CCNT1: variants seen among roughly 807,000 people sequenced by gnomAD.
The protein encoded by CCNT1 is cyclin-T1.
CCNT1 carries 18 observed loss-of-function variants against 67.3 expected under a neutral mutation model. The observed-to-expected ratio is 0.27, with a 90% CI of 0.18 to 0.40. The LOEUF is 0.40. CCNT1 is among the 10% of genes least tolerant of loss of function. The pLI, the probability that CCNT1 is intolerant of heterozygous loss-of-function variation, is 1.00. For synonymous variants in CCNT1, 333 were observed against 310.3 expected, an observed-to-expected ratio of 1.07 and a Z score of -0.77; for missense variants, 744 against 884.9, an observed-to-expected ratio of 0.84 and a Z score of 2.02.
chr12:48,710,870 G>C (rs1940438449), intron 2 of CCNT1, among the ~76,000 whole-genome samples: 1 of 152,162 alleles, frequency 6.6e-6, no homozygotes, highest in African/African-American at 2.4e-5. Context: ...AGACCAGGCT[G>C]GCCAAGATGG....
chr12:48,711,179 AG>A (rs1373063394), intron 2 of CCNT1, among the ~76,000 whole-genome samples: 1 of 151,988 alleles, frequency 6.6e-6, no homozygotes, highest in Admixed American at 6.6e-5. Flanking sequence ...CAACAGTTGA[AG>A]CCAAGCCTGG....
At chr12:48,701,099 TC>T (rs1330929376) in intron 3 of CCNT1, 26 bp from the exon 4 acceptor site, 3 of 1,447,078 alleles carry the variant, frequency 2.1e-6, no homozygotes, top group African/African-American at 1.4e-5. Flanking sequence ...CAGAAATTAT[TC>T]CCTACAAAGG....
At chr12:48,714,674 T>A (rs984372189) in intron 1 of CCNT1, 150 bp from the exon 2 acceptor site, 2 of 586,844 alleles carry the variant, frequency 3.4e-6, no homozygotes, top group African/African-American at 3.7e-5. Flanking sequence ...AGAATATGTC[T>A]GTTTTCTTTC....
chr12:48,703,093 T>C (rs1253647882), intron 3 of CCNT1, among the ~76,000 whole-genome samples: 1 of 151,570 alleles, frequency 6.6e-6, no homozygotes, highest in African/African-American at 2.4e-5. Flanking sequence ...CCATCACCCG[T>C]AGATGGGACC....
intron 3 of CCNT1, among the ~76,000 whole-genome samples, chr12:48,703,502 G>A (rs545908552): frequency 6.6e-6 from 1 of 152,032 alleles, no homozygotes; most frequent in South Asian, 2.1e-4. Context: ...GAACCCAGGA[G>A]GGGGAGGTTG....
chr12:48,692,893 T>C lies in CCNT1; in HGVS notation c.*140A>G. On this transcript the variant is annotated 3_prime_UTR_variant, in exon 9 of 9. Transcript: ENST00000261900. ...ATATAGCCAAGGCCTTCTACCACCC[T>C]CCTAACTATGTCTCAATATCAATTT... 3.2e-6 allele frequency: 2 copies of C among 628,206 alleles called. No homozygotes were observed. The highest frequency in any genetic ancestry group is 2.7e-6 in the Non-Finnish European group (1 of 365,312). The allele number at this position is 628,206 out of a possible 1,614,324, so 38.9% of individuals were successfully genotyped here.
At chr12:48,712,903 G>A (rs1311011272) in intron 2 of CCNT1, among the ~76,000 whole-genome samples, 1 of 151,640 alleles carries the variant, frequency 6.6e-6, no homozygotes, top group Non-Finnish European at 1.5e-5. Context: ...TCGTGCCATT[G>A]CACTCCATCC....
chr12:48,697,452 G>A (rs1464865779), intron 6 of CCNT1, among the ~76,000 whole-genome samples: 1 of 150,632 alleles, frequency 6.6e-6, no homozygotes, highest in Non-Finnish European at 1.5e-5. Flanking sequence ...GAACCCGGGA[G>A]GCAGAGGTTG....
rs1703346832 is a variant in CCNT1, at chr12:48,693,048, T to C, written c.2166A>G (p.Pro722=). The C allele has an allele frequency of 6.3e-7, 1 of 1,587,122 alleles. No individual in the cohort carries two copies. Among genetic ancestry groups the C allele is most frequent in the Admixed American group, 1.7e-5 (1 of 59,154 alleles). ...TTTTCTTTTTTTACTTAGGAAGGGG[T>C]GGAAGTGGTGGAGGAGGTTCTGATG... is the stretch of plus-strand genomic sequence containing the variant. The part of the protein sequence containing the change: ...PLPSEPPPPL[P]PLPK Residue 722 remains proline, a synonymous_variant, in exon 9 of 9, where the codon CCA becomes CCG. Coordinates refer to ENST00000261900, the MANE Select transcript of CCNT1 (RefSeq NM_001240.4).
intron 1 of CCNT1, among the ~76,000 whole-genome samples, chr12:48,716,281 A>G (rs1940531027): frequency 6.6e-6 from 1 of 152,244 alleles, no homozygotes; most frequent in South Asian, 2.1e-4. Context: ...GCCGGGAAGG[A>G]TACGAATTCC....
intron 2 of CCNT1, among the ~76,000 whole-genome samples, chr12:48,713,620 C>CA (rs1283251493): frequency 6.6e-6 from 1 of 151,884 alleles, no homozygotes. Flanking sequence ...CCCATCTTCA[C>CA]AAAAAAAATT....
Position 48,692,998 on chromosome 12 carries a change from TA to T in CCNT1, c.*34del. 1 of 1,379,480 alleles carries T rather than the reference TA, an allele frequency of 7.2e-7. No homozygotes were observed. The highest frequency in any genetic ancestry group is 9.8e-7 in the Non-Finnish European group (1 of 1,022,620). The allele number at this position is 1,379,480 out of a possible 1,614,324, so 85.5% of individuals were successfully genotyped here. A position where few individuals can be genotyped will look rare whatever the true frequency, so the allele number is the denominator to read the frequency against. Reference sequence around the variant, plus strand: ...AAAAAAGAAAAATTATGTGTTTTTTTAAAGAAGTTTTTTTCTCCTCTTCTTT... The same window carrying T: ...AAAAAAGAAAAATTATGTGTTTTTTTAAGAAGTTTTTTTCTCCTCTTCTTT... On this transcript the variant is annotated 3_prime_UTR_variant, in exon 9 of 9. Coordinates refer to ENST00000261900, the MANE Select transcript of CCNT1 (RefSeq NM_001240.4).
rs1035277692 is a variant in CCNT1, at chr12:48,692,820, T to C, written c.*213A>G. On this transcript the variant is annotated 3_prime_UTR_variant, in exon 9 of 9. Coordinates refer to ENST00000261900, the MANE Select transcript of CCNT1 (RefSeq NM_001240.4). Reference sequence around the variant, plus strand: ...CTTCACAGCTTCAACACCTCTCTAATACCAGTAAAAACTGTAAGAAAATAG... The same window carrying C: ...CTTCACAGCTTCAACACCTCTCTAACACCAGTAAAAACTGTAAGAAAATAG... 1 of 502,124 alleles carries C rather than the reference T, an allele frequency of 2.0e-6. No homozygotes were observed. The highest frequency in any genetic ancestry group is 3.6e-6 in the Non-Finnish European group (1 of 281,644). 31.1% of individuals were successfully genotyped at this position (502,124 alleles called of 1,614,324 possible).
In CCNT1 at chr12:48,716,706, C is replaced by T. The variant is rs778949356; in HGVS notation, c.-31G>A. 6.2e-7 allele frequency: 1 copy of T among 1,605,258 alleles called. No homozygotes were observed. The highest frequency in any genetic ancestry group is 8.5e-7 in the Non-Finnish European group (1 of 1,173,902). On this transcript the variant is annotated 5_prime_UTR_variant, in exon 1 of 9. Coordinates refer to ENST00000261900, the MANE Select transcript of CCNT1 (RefSeq NM_001240.4). The stretch of plus-strand genomic sequence containing the variant: ...TTCAACCAGAAGGCAGCGGCGAAGG[C>T]TGCAGGCACTTCCCAGCGTCACCTA...
chr12:48,706,493 A>C (rs1314392290), intron 2 of CCNT1, among the ~76,000 whole-genome samples: 18 of 152,254 alleles, frequency 1.2e-4, no homozygotes, highest in Non-Finnish European at 1.2e-4. Context: ...CAAAAATACA[A>C]AGCATGGCAT....
At position 48,702,752 on chromosome 12, in the gene CCNT1, G is replaced by C. The variant is rs150119302; in HGVS notation, c.373-1679C>G. Reference sequence around the variant, plus strand: ...GAATTTCTTGAACCTGGGAGGTGGAGGTTGCAGTGAGCTGAGATCGCACCA... The same window carrying C: ...GAATTTCTTGAACCTGGGAGGTGGACGTTGCAGTGAGCTGAGATCGCACCA... On this transcript the variant is annotated intron_variant, in intron 3 of 8. Transcript: ENST00000261900. Among the ~76,000 whole-genome samples the C allele has an allele frequency of 8.6e-3, 1,316 of 152,234 alleles. 7 individuals are homozygous for C. The highest frequency in any genetic ancestry group is 0.014 in the Middle Eastern group (4 of 294).
intron 2 of CCNT1, among the ~76,000 whole-genome samples, chr12:48,713,033 T>A (rs1467296470): frequency 6.6e-6 from 1 of 152,184 alleles, no homozygotes; most frequent in African/African-American, 2.4e-5. Flanking sequence ...TTCCTAGAAC[T>A]GGGATATCAC....
chr12:48,716,431 C>G, intron 1 of CCNT1, 84 bp downstream of exon 1: 2 of 1,272,306 alleles, frequency 1.6e-6, no homozygotes, highest in Admixed American at 2.4e-5. Flanking sequence ...TCCCCACTTT[C>G]GTCCCCCCCA....
chr12:48,693,312 G>T lies in CCNT1; in HGVS notation c.1902C>A (p.Val634=). Residue 634 remains valine, a synonymous_variant, in exon 9 of 9, where the codon GTC becomes GTA. Coordinates refer to ENST00000261900, the MANE Select transcript of CCNT1 (RefSeq NM_001240.4). ...SFSQPSCKTR[V]PHSKLDKGPT... is the part of the protein sequence containing the mutation. ...GCCCTTTATCCAGTTTCGAATGAGG[G>T]ACACGAGTTTTACAGCTGGGCTGTG... The T allele has an allele frequency of 6.2e-7, 1 of 1,614,206 alleles. No individual in the cohort carries two copies. Among genetic ancestry groups the T allele is most frequent in the Non-Finnish European group, 8.5e-7 (1 of 1,180,036 alleles).
Sources: gnomAD v4.1 joint callset for allele counts (sites outside exome capture counted in the v4.1 genomes callset) on GRCh38, gnomAD v4.1.1 for gene constraint, MANE v1.5 for transcripts, NCBI Gene and HGNC (gene_info 2026-07-23, HGNC 2026-07-21) for gene names.